Variants in SULT1A1 observed in about 807,000 individuals in gnomAD.
SULT1A1 encodes sulfotransferase family 1A member 1.
A neutral mutation model predicts 36.8 loss-of-function variants in SULT1A1; 35 were observed. The observed-to-expected ratio is 0.95, with a 90% CI of 0.73 to 1.26. The LOEUF is 1.26. Ranked by LOEUF, SULT1A1 falls within the 50% of genes most tolerant of loss-of-function variation. SULT1A1 has a pLI of 0.00. For missense variants in SULT1A1, 309 were observed against 383.0 expected (o/e 0.81, Z 1.61); for synonymous variants, 119 against 146.0 (o/e 0.82, Z 1.33).
chr16:28,609,342 C>G (rs2047358911), intron 1 of SULT1A1: 1 of 1,289,908 alleles, frequency 7.8e-7, no homozygotes, highest in African/African-American at 1.5e-5. Flanking sequence ...CCCAGGCCAG[C>G]CAGGCCTGTG....
intron 1 of SULT1A1, chr16:28,609,652 AGAGGCT>A (rs2047370806): frequency 2.6e-6 from 1 of 385,936 alleles, no homozygotes; most frequent in Admixed American, 4.1e-5. Flanking sequence ...TAGCTACTCC[AGAGGCT>A]GAGGCAAGAG....
chr16:28,615,672 T>A (rs183976256), intron 2 of SULT1A1, among the ~76,000 whole-genome samples: 97 of 152,268 alleles, frequency 6.4e-4, no homozygotes, highest in African/African-American at 2.3e-3. Flanking sequence ...CTACCACCAA[T>A]ATGCAGAGAC....
At chr16:28,610,290 T>C (rs45455695), upstream of SULT1A1, 124 of 1,046,570 alleles carry the variant, frequency 1.2e-4, no homozygotes, top group African/African-American at 1.7e-3. Context: ...TTTTTTTTTT[T>C]CCGAGCTGTC....
chr16:28,610,264 G>C, upstream of SULT1A1: 3 of 346,646 alleles, frequency 8.7e-6, no homozygotes, highest in Non-Finnish European at 1.3e-5. Context: ...TTTTTTTTCT[G>C]TTTTTTTTTT....
At chr16:28,608,213 C>T in intron 4 of SULT1A1, 78 bp downstream of exon 4, 2 of 1,579,242 alleles carry the variant, frequency 1.3e-6, no homozygotes, top group Non-Finnish European at 1.7e-6. Flanking sequence ...TCTCAAACTC[C>T]CAACCTCAGG....
chr16:28,608,245 C>A (rs751881677), intron 4 of SULT1A1, 46 bp downstream of exon 4: 2 of 1,607,560 alleles, frequency 1.2e-6, no homozygotes, highest in East Asian at 4.5e-5. Context: ...CCTCAGCCTC[C>A]CAAAGTGCTG....
chr16:28,610,057 G>A (rs1384598045), upstream of SULT1A1: 12 of 1,285,992 alleles, frequency 9.3e-6, no homozygotes, highest in Admixed American at 2.3e-5. Flanking sequence ...GAGGGATCTG[G>A]AGCCGGGGCT....
rs1277653425 is a variant in SULT1A1, at chr16:28,605,946, G to A, written c.776-13C>T. 6.2e-7 allele frequency: 1 copy of A among 1,604,642 alleles called. No homozygotes were observed. Among genetic ancestry groups the A allele is most frequent in the Non-Finnish European group, 8.5e-7 (1 of 1,174,046 alleles). On this transcript the variant is annotated splice_polypyrimidine_tract_variant and intron_variant, in intron 7 of 7. Coordinates refer to ENST00000314752, the MANE Select transcript of SULT1A1 (RefSeq NM_001055.4). The stretch of plus-strand genomic sequence containing the variant: ...TCCCCAGCCATGCCTGGGGGAGGAA[G>A]GCAGGGAGCAAAGCTGGAGTCTCAT...
At position 28,606,871 on chromosome 16, in the gene SULT1A1, A is replaced by G. The variant is rs778723776; in HGVS notation, c.500-16T>C. Reference sequence around the variant, plus strand: ...CCGTAGGACACTGGAGAAGCAGGCAAGGGGTGCCAACACAGGGTTGCTGTG... The same window carrying G: ...CCGTAGGACACTGGAGAAGCAGGCAGGGGGTGCCAACACAGGGTTGCTGTG... On this transcript the variant is annotated splice_polypyrimidine_tract_variant and intron_variant, in intron 5 of 7. Coordinates refer to ENST00000314752, the MANE Select transcript of SULT1A1 (RefSeq NM_001055.4). 33 of 1,612,382 alleles carry G rather than the reference A, an allele frequency of 2.0e-5. No individual in the cohort carries two copies. The highest frequency in any genetic ancestry group is 1.6e-4 in the Middle Eastern group (1 of 6,070).
At position 28,609,486 on chromosome 16, in the gene SULT1A1, A is replaced by G. The variant is rs35597330; in HGVS notation, c.-5+445T>C. 10,839 of 1,097,498 alleles carry G rather than the reference A, an allele frequency of 9.9e-3. 186 individuals carry two copies. The highest frequency in any genetic ancestry group is 0.011 in the Non-Finnish European group (9,247 of 814,226). 68.0% of individuals were successfully genotyped at this position (1,097,498 alleles called of 1,614,324 possible). On this transcript the variant is annotated intron_variant, in intron 1 of 7. Coordinates refer to ENST00000314752, the MANE Select transcript of SULT1A1 (RefSeq NM_001055.4). ...GATGACTCAGCAAAAGCACAGGCCTAGGCAGGGTGGCTCCCACCTATAATC... is the reference window on the plus strand; with the variant it reads ...GATGACTCAGCAAAAGCACAGGCCTGGGCAGGGTGGCTCCCACCTATAATC...
intron 2 of SULT1A1, among the ~76,000 whole-genome samples, chr16:28,615,543 A>C: frequency 6.7e-6 from 1 of 149,852 alleles, no homozygotes; most frequent in Admixed American, 6.7e-5. Flanking sequence ...ACCCCGAGAC[A>C]GACCCCGAGG....
chr16:28,610,017 T>C lies in SULT1A1; in HGVS notation c.-91A>G. The C allele has an allele frequency of 1.6e-6, 2 of 1,285,210 alleles. No individual in the cohort carries two copies. The highest frequency in any genetic ancestry group is 2.0e-6 in the Non-Finnish European group (2 of 986,744). The allele number at this position is 1,285,210 out of a possible 1,614,324, so 79.6% of individuals were successfully genotyped here. On this transcript the variant is annotated 5_prime_UTR_variant, in exon 1 of 8. Transcript: ENST00000314752. ...GTGTGGGGAATGCAGGGTTGTTCTC[T>C]GAGCTGAGGGTTTCCTAGGTCCACT...
intron 1 of SULT1A1, among the ~76,000 whole-genome samples, chr16:28,621,094 A>G (rs2047643169): frequency 6.6e-6 from 1 of 151,992 alleles, no homozygotes; most frequent in Non-Finnish European, 1.5e-5. Flanking sequence ...CCAGGATGAT[A>G]AAGCGAGACT....
intron 4 of SULT1A1, 44 bp downstream of exon 4, chr16:28,608,247 A>C (rs2047296770): frequency 6.2e-7 from 1 of 1,607,998 alleles, no homozygotes; most frequent in African/African-American, 1.3e-5. Context: ...TCAGCCTCCC[A>C]AAGTGCTGGG....
chr16:28,608,899 C>A (rs1230846377), intron 1 of SULT1A1, 40 bp from the exon 2 acceptor site: 12 of 1,611,274 alleles, frequency 7.4e-6, no homozygotes, highest in Non-Finnish European at 1.0e-5. Flanking sequence ...CCCTTACCAC[C>A]ATCACAACAG....
intron 1 of SULT1A1, among the ~76,000 whole-genome samples, chr16:28,622,592 C>A (rs1218570041): frequency 6.6e-6 from 1 of 152,160 alleles, no homozygotes; most frequent in African/African-American, 2.4e-5. Context: ...TCAGATTCCA[C>A]CTGCTCTGCC....
At chr16:28,619,065 G>T (rs1420329531) in intron 2 of SULT1A1, among the ~76,000 whole-genome samples, 1 of 152,158 alleles carries the variant, frequency 6.6e-6, no homozygotes, top group East Asian at 1.9e-4. Flanking sequence ...GCCCAGGCTG[G>T]AGTGCAGTGG....
exon 2 of SULT1A1, chr16:28,620,131 T>A: frequency 6.2e-7 from 1 of 1,612,470 alleles, no homozygotes; most frequent in South Asian, 1.1e-5. Flanking sequence ...AGAATGCTCA[T>A]ACCTATTTGC....
chr16:28,607,073 A>G lies in SULT1A1; in HGVS notation c.377T>C (p.Val126Ala). The change falls in exon 5 of 8, where the codon GTC becomes GCC. Residue 126 changes from valine to alanine, a missense_variant. Physicochemically the swap from Val to Ala is moderately conservative, Grantham distance 64. This residue lies in a region of SULT1A1 where 219 missense variants were observed against 215.3 expected (regional missense o/e 1.02). Coordinates refer to ENST00000314752, the MANE Select transcript of SULT1A1 (RefSeq NM_001055.4). ...ATCCTTTGCGTTGCGGGCAACATAG[A>G]CCACCTGCAGGGGCAGAAGACTCAA... ...QTLLDQKVKV[V>A]YVARNAKDVA... The G allele has an allele frequency of 6.2e-7, 1 of 1,612,294 alleles. No individual in the cohort carries two copies.
Sources: gnomAD v4.1 joint callset for allele counts (sites outside exome capture counted in the v4.1 genomes callset) on GRCh38, gnomAD v4.1.1 for gene constraint, gnomAD v4.1.1 regional missense constraint, MANE v1.5 for transcripts, NCBI Gene and HGNC (gene_info 2026-07-23, HGNC 2026-07-21) for gene names.